SAXO1: variants seen among roughly 807,000 people sequenced by gnomAD.
SAXO1 encodes the protein 4930500O09Rik.
A neutral mutation model predicts 17.5 loss-of-function variants in SAXO1; 21 were observed. The observed-to-expected ratio is 1.20, with a 90% CI of 0.85 to 1.72. The LOEUF (loss-of-function observed/expected upper bound fraction) is 1.72. SAXO1 is among the 40% of genes most tolerant of loss of function. The pLI, the probability that SAXO1 is intolerant of heterozygous loss-of-function variation, is 0.00. For synonymous variants in SAXO1, 274 were observed against 216.5 expected (o/e 1.27, Z -2.33); for missense variants, 843 against 596.0 (o/e 1.41, Z -4.32).
chr9:19,021,893 C>T (rs1835249111), intron 1 of SAXO1, among the ~76,000 whole-genome samples: 1 of 152,320 alleles, frequency 6.6e-6, no homozygotes, highest in African/African-American at 2.4e-5. Context: ...GTAAAATGGA[C>T]CAATCAGAAG....
intron 3 of SAXO1, among the ~76,000 whole-genome samples, chr9:18,936,843 T>C (rs891331439): frequency 6.6e-6 from 1 of 152,206 alleles, no homozygotes; most frequent in Non-Finnish European, 1.5e-5. Context: ...TGTCACAAAT[T>C]ACAACCAAAT....
At chr9:19,000,157 C>A (rs1834196013) in intron 1 of SAXO1, among the ~76,000 whole-genome samples, 1 of 151,844 alleles carries the variant, frequency 6.6e-6, no homozygotes, top group African/African-American at 2.4e-5. Context: ...GTGAGGAGCA[C>A]CTCTGCCTGG....
intron 1 of SAXO1, among the ~76,000 whole-genome samples, chr9:19,026,467 A>G (rs1206490496): frequency 6.6e-6 from 1 of 152,202 alleles, no homozygotes; most frequent in Admixed American, 6.5e-5. Context: ...TTTCAGCTTT[A>G]AAAGTCTGAT....
chr9:19,019,712 A>G (rs1835144587), intron 1 of SAXO1, among the ~76,000 whole-genome samples: 1 of 152,168 alleles, frequency 6.6e-6, no homozygotes, highest in Non-Finnish European at 1.5e-5. Flanking sequence ...CCTCGGCGAC[A>G]GTGAGACACT....
chr9:18,986,476 C>A (rs1833599672), intron 1 of SAXO1, among the ~76,000 whole-genome samples: 1 of 151,974 alleles, frequency 6.6e-6, no homozygotes, highest in African/African-American at 2.4e-5. Flanking sequence ...AAGGTAAACA[C>A]AATTTTAAAA....
intron 1 of SAXO1, among the ~76,000 whole-genome samples, chr9:18,992,308 GCTT>G (rs750238790): frequency 1.3e-5 from 2 of 152,190 alleles, no homozygotes; most frequent in Non-Finnish European, 2.9e-5. Context: ...GTTGCTCTGA[GCTT>G]CTGAGAGGCT....
intron 1 of SAXO1, chr9:19,027,540 T>A: frequency 2.7e-6 from 3 of 1,091,998 alleles, no homozygotes; most frequent in Non-Finnish European, 4.3e-6. Flanking sequence ...AAGACCCTCC[T>A]GGCCTGGGCC....
intron 1 of SAXO1, among the ~76,000 whole-genome samples, chr9:19,044,575 C>T (rs1388132852): frequency 2.0e-5 from 3 of 152,146 alleles, no homozygotes; most frequent in Admixed American, 1.3e-4. Context: ...CTCAAGAAAG[C>T]TGAATCCGGC....
At chr9:19,038,308 G>A (rs1374571171) in intron 1 of SAXO1, among the ~76,000 whole-genome samples, 1 of 152,132 alleles carries the variant, frequency 6.6e-6, no homozygotes, top group African/African-American at 2.4e-5. Context: ...ACATGCACAT[G>A]TATGTTTATT....
chr9:18,929,039 C>T lies in SAXO1; in HGVS notation c.438G>A (p.Trp146Ter). ...LPTYKADYLPWNQPRREPLRL... is the reference protein window; with the variant it reads ...LPTYKADYLP ...GAAGTGGCTCTCGCCTTGGTTGGTT[C>T]CAAGGCAAATAATCAGCTGAAATTA... Residue 146 changes from tryptophan to a stop codon, truncating the protein, a stop_gained, in exon 4 of 4, where the codon TGG (tryptophan) becomes TGA (stop). Coordinates refer to ENST00000380534, the MANE Select transcript of SAXO1 (RefSeq NM_153707.4). LOFTEE classifies it low-confidence loss of function (END_TRUNC). 6.2e-7 allele frequency: 1 copy of T among 1,613,710 alleles called. No individual in the cohort carries two copies. Among genetic ancestry groups the T allele is most frequent in the Non-Finnish European group, 8.5e-7 (1 of 1,179,878 alleles).
chr9:18,974,213 T>G (rs753951836), intron 1 of SAXO1, among the ~76,000 whole-genome samples: 1 of 152,192 alleles, frequency 6.6e-6, no homozygotes, highest in Non-Finnish European at 1.5e-5. Flanking sequence ...ATCCTCAAAA[T>G]CTACTTCTAA....
intron 1 of SAXO1, among the ~76,000 whole-genome samples, chr9:19,017,142 CAAGGCA>C (rs1025425854): frequency 6.6e-6 from 1 of 150,706 alleles, no homozygotes; most frequent in Non-Finnish European, 1.5e-5. Flanking sequence ...GAACTTGTTG[CAAGGCA>C]AAGGCAAAGG....
intron 3 of SAXO1, among the ~76,000 whole-genome samples, chr9:18,938,881 G>C (rs111959852): frequency 6.9e-6 from 1 of 144,076 alleles, no homozygotes; most frequent in Non-Finnish European, 1.6e-5. Flanking sequence ...GCGGTAAGTA[G>C]TCTGCTGGGG....
chr9:18,993,496 G>A (rs1272520170), intron 1 of SAXO1, among the ~76,000 whole-genome samples: 1 of 152,224 alleles, frequency 6.6e-6, no homozygotes, highest in Non-Finnish European at 1.5e-5. Flanking sequence ...CCAGTTTGGA[G>A]GGTGAGAAGG....
Position 19,018,691 on chromosome 9 carries a change from G to A in SAXO1, c.38+14180C>T, listed in dbSNP as rs975079857. ...AAGGTTTTTAATACAGTACCCAAAA[G>A]TTATCCAAGGACTCTCAGAAAAGCA... On this transcript the variant is annotated intron_variant, in intron 1 of 3. Transcript: ENST00000380534. Among the ~76,000 whole-genome samples, 51 of 152,184 alleles carry A rather than the reference G, an allele frequency of 3.4e-4. 1 individual carries two copies. Among genetic ancestry groups the A allele is most frequent in the Non-Finnish European group, 2.8e-4 (19 of 68,042 alleles).
At chr9:18,979,169 T>C (rs192253378) in intron 1 of SAXO1, among the ~76,000 whole-genome samples, 1 of 152,252 alleles carries the variant, frequency 6.6e-6, no homozygotes, top group East Asian at 1.9e-4. Context: ...GGCTAGACAA[T>C]ATGAAAAAAC....
At chr9:19,020,117 G>C (rs936422199) in intron 1 of SAXO1, among the ~76,000 whole-genome samples, 1 of 151,648 alleles carries the variant, frequency 6.6e-6, no homozygotes, top group African/African-American at 2.4e-5. Context: ...CCTCCATTGA[G>C]CGTAGCACTA....
chr9:19,015,937 T>G (rs1226340497), intron 1 of SAXO1, among the ~76,000 whole-genome samples: 1 of 152,088 alleles, frequency 6.6e-6, no homozygotes, highest in Non-Finnish European at 1.5e-5. Context: ...CCCACAGAAT[T>G]AAAGTGTATG....
rs115677337 is a variant in SAXO1 at position 18,988,265 on chromosome 9, T to C, written c.39-37328A>G. Among the ~76,000 whole-genome samples, 1,310 of 152,334 alleles carry C rather than the reference T, an allele frequency of 8.6e-3. 20 individuals carry two copies. Among genetic ancestry groups the C allele is most frequent in the African/African-American group, 0.03 (1,240 of 41,572 alleles). On this transcript the variant is annotated intron_variant, in intron 1 of 3. Transcript: ENST00000380534. ...ACAGCATCTTCTGTGAGCATCAGTGTCCTACTCTTCAAAAAGGATTACATT... is the reference window on the plus strand; with the variant it reads ...ACAGCATCTTCTGTGAGCATCAGTGCCCTACTCTTCAAAAAGGATTACATT...
Sources: allele counts gnomAD v4.1 joint callset (sites outside exome capture counted in the v4.1 genomes callset), GRCh38; gene constraint gnomAD v4.1.1; transcripts MANE v1.5; gene names NCBI Gene and HGNC (gene_info 2026-07-23, HGNC 2026-07-21).